The following DYRK3 variants were observed in gnomAD, a reference collection of about 807,000 sequenced individuals.
DYRK3 encodes the protein dual specificity tyrosine phosphorylation regulated kinase 3, also known as dual specificity tyrosine-phosphorylation-regulated kinase 3.
DYRK3 carries 30 observed loss-of-function variants against 40.8 expected under a neutral mutation model. The observed-to-expected ratio is 0.74, with a 90% confidence interval of 0.55 to 1.00. The LOEUF is 1.00. DYRK3 is among the 50% of genes least tolerant of loss of function. The pLI is 0.00. For synonymous variants in DYRK3, 272 were observed against 260.7 expected, an observed-to-expected ratio of 1.04 and a Z score of -0.42; for missense variants, 699 against 731.5, an observed-to-expected ratio of 0.96 and a Z score of 0.51.
rs1572453433 is a variant in DYRK3 at position 206,649,597 on chromosome 1, C to CA, written c.*635dup. 2.0e-5 allele frequency among the ~76,000 whole-genome samples: 3 copies of CA among 152,304 alleles called. No individual in the cohort carries two copies. Among genetic ancestry groups the CA allele is most frequent in the African/African-American group, 7.2e-5 (3 of 41,558 alleles). ...GCCTCTGATTTGTTTCCTAGTCACT[C>CA]AAAGCATTTTACAGAAGCCTTACCA... On this transcript the variant is annotated 3_prime_UTR_variant, in exon 3 of 3. Coordinates refer to ENST00000367109, the MANE Select transcript of DYRK3 (RefSeq NM_003582.4).
intron 2 of DYRK3, among the ~76,000 whole-genome samples, chr1:206,646,736 T>C (rs1027785921): frequency 1.2e-4 from 19 of 152,340 alleles, no homozygotes; most frequent in African/African-American, 1.2e-4. Context: ...TGCTGAGTTA[T>C]GTTAATGGCA....
chr1:206,648,865 C>T lies in DYRK3; in HGVS notation c.1667C>T (p.Pro556Leu). 1.2e-6 allele frequency: 2 copies of T among 1,614,154 alleles called. No individual in the cohort carries two copies. Among genetic ancestry groups the T allele is most frequent in the Non-Finnish European group, 1.7e-6 (2 of 1,180,030 alleles). The change falls in exon 3 of 3, where the codon CCT (proline) becomes CTT (leucine). Residue 556 changes from proline (P) to leucine (L), a missense_variant. Pro to Leu is a moderately conservative substitution (Grantham distance 98). Transcript: ENST00000367109. ...TTCCAGGGATTGGGTTCTAAGCTGC[C>T]TCCAGTTGTTGGAATAGCCAATAAG... Reference protein sequence around the residue: ...SAFQGLGSKLPPVVGIANKLK... With the variant: ...SAFQGLGSKLLPVVGIANKLK...
At chr1:206,644,528 C>G (rs1039864163) in intron 2 of DYRK3, among the ~76,000 whole-genome samples, 3 of 152,086 alleles carry the variant, frequency 2.0e-5, no homozygotes, top group Non-Finnish European at 1.5e-5. Context: ...TAATTAAAAC[C>G]AAATAATTAA....
At chr1:206,644,969 G>A (rs987160566) in intron 2 of DYRK3, among the ~76,000 whole-genome samples, 1 of 152,192 alleles carries the variant, frequency 6.6e-6, no homozygotes, top group Admixed American at 6.5e-5. Context: ...ATGCCAAGCT[G>A]TGGCTACATT....
rs1671497661 is a variant in DYRK3 at position 206,647,751 on chromosome 1, C to T, written c.553C>T (p.Pro185Ser). Residue 185 changes from proline to serine, a missense_variant, in exon 3 of 3, where the codon CCC becomes TCC. By Grantham distance (74) the Pro-to-Ser change is moderately conservative. Coordinates refer to ENST00000367109, the MANE Select transcript of DYRK3 (RefSeq NM_003582.4). ...AKKRHGVIGG[P>S]NNGGYDDADG... ...GAAAAGACATGGAGTTATTGGTGGT[C>T]CCAATAATGGAGGGTATGATGATGC... 1 of 1,613,972 alleles carries T rather than the reference C, an allele frequency of 6.2e-7. No homozygotes were observed. Among genetic ancestry groups the T allele is most frequent in the Non-Finnish European group, 8.5e-7 (1 of 1,180,002 alleles).
chr1:206,644,602 C>T (rs527575530), intron 2 of DYRK3, among the ~76,000 whole-genome samples: 16 of 152,264 alleles, frequency 1.1e-4, no homozygotes, highest in South Asian at 2.1e-4. Flanking sequence ...TGCAGTGGTG[C>T]GATCTCAGCT....
In DYRK3 at chr1:206,637,697, A is replaced by T; in HGVS notation, c.125A>T (p.Lys42Ile). ...ACCTTCATGATGATAGATGAAACCA[A>T]ATGTCCCCCCTGTTCAAATGTACTC... ...YDTFMMIDET[K>I]CPPCSNVLCN... Residue 42 changes from lysine (K) to isoleucine (I), a missense_variant, in exon 2 of 3, where the codon AAA (lysine) becomes ATA (isoleucine). Physicochemically the swap from Lys to Ile is moderately radical, Grantham distance 102. Transcript: ENST00000367109. 6.2e-7 allele frequency: 1 copy of T among 1,614,072 alleles called. No individual in the cohort carries two copies. The highest frequency in any genetic ancestry group is 8.5e-7 in the Non-Finnish European group (1 of 1,179,980).
intron 2 of DYRK3, among the ~76,000 whole-genome samples, chr1:206,646,493 T>G (rs1553420143): frequency 6.6e-6 from 1 of 152,082 alleles, no homozygotes; most frequent in East Asian, 1.9e-4. Flanking sequence ...AGGGAAGAGT[T>G]TTATAAGTAC....
In DYRK3 at chr1:206,650,158, G is replaced by A. The variant is rs562879872; in HGVS notation, c.*1193G>A. Among the ~76,000 whole-genome samples, 1 of 152,360 alleles carries A rather than the reference G, an allele frequency of 6.6e-6. No homozygotes were observed. Among genetic ancestry groups the A allele is most frequent in the Non-Finnish European group, 1.5e-5 (1 of 68,042 alleles). On this transcript the variant is annotated 3_prime_UTR_variant, in exon 3 of 3. Coordinates refer to ENST00000367109, the MANE Select transcript of DYRK3 (RefSeq NM_003582.4). Reference sequence around the variant, plus strand: ...TTAAGCCAGTGTCCTACTTACAAGGGTGGAGACGGGACAGAAGCTAACTCA... The same window carrying A: ...TTAAGCCAGTGTCCTACTTACAAGGATGGAGACGGGACAGAAGCTAACTCA...
rs1211145979 is a variant in DYRK3, at chr1:206,648,235, A to G, written c.1037A>G (p.His346Arg). ...CCAGAAAACATTCTCCTGAAACACC[A>G]CGGGCGCAGTTCAACCAAGGTCATT... ...LKPENILLKHHGRSSTKVIDF... is the reference protein window; with the variant it reads ...LKPENILLKHRGRSSTKVIDF... Residue 346 changes from histidine (H) to arginine (R), a missense_variant, in exon 3 of 3, where the codon CAC becomes CGC. Transcript: ENST00000367109. 5 of 1,614,056 alleles carry G rather than the reference A, an allele frequency of 3.1e-6. No homozygotes were observed. The highest frequency in any genetic ancestry group is 4.2e-6 in the Non-Finnish European group (5 of 1,180,028).
At chr1:206,645,640 A>C (rs1195797398) in intron 2 of DYRK3, among the ~76,000 whole-genome samples, 1 of 150,616 alleles carries the variant, frequency 6.6e-6, no homozygotes, top group Non-Finnish European at 1.5e-5. Context: ...CAGCCTCCCA[A>C]GTAGCTGGGA....
intron 2 of DYRK3, 146 bp downstream of exon 2, chr1:206,637,907 G>A (rs1671164473): frequency 5.2e-6 from 3 of 579,776 alleles, no homozygotes; most frequent in Admixed American, 7.0e-5. Context: ...GAATAACAAT[G>A]TCTGTGGTCC....
rs1553421155 is a variant in DYRK3, at chr1:206,650,394, C to T, written c.*1429C>T. Among the ~76,000 whole-genome samples, 1 of 151,970 alleles carries T rather than the reference C, an allele frequency of 6.6e-6. No homozygotes were observed. The highest frequency in any genetic ancestry group is 1.5e-5 in the Non-Finnish European group (1 of 67,990). On this transcript the variant is annotated 3_prime_UTR_variant, in exon 3 of 3. Coordinates refer to ENST00000367109, the MANE Select transcript of DYRK3 (RefSeq NM_003582.4). ...CCAGCCTGGGCAACATGGTGAAACC[C>T]TGCCTCTACAAAAAATACAAAAATT...
At position 206,647,895 on chromosome 1, in the gene DYRK3, C is replaced by T; in HGVS notation, c.697C>T (p.Gln233Ter). The T allele has an allele frequency of 6.2e-7, 1 of 1,614,030 alleles. No individual in the cohort carries two copies. The highest frequency in any genetic ancestry group is 1.1e-5 in the South Asian group (1 of 91,076). ...CAGGGTCTATGATCACAAACTTCGA[C>T]AGTACGTGGCCCTAAAAATGGTGCG... The part of the protein sequence containing the change: ...VARVYDHKLR[Q>*]YVALKMVRNE... Residue 233 changes from glutamine to a stop codon, truncating the protein, a stop_gained, in exon 3 of 3, where the codon CAG becomes TAG. Coordinates refer to ENST00000367109, the MANE Select transcript of DYRK3 (RefSeq NM_003582.4). LOFTEE classifies it high-confidence loss of function.
Position 206,649,174 on chromosome 1 carries a change from A to G in DYRK3, c.*209A>G. The G allele has an allele frequency of 1.9e-6, 1 of 529,226 alleles. No homozygotes were observed. The highest frequency in any genetic ancestry group is 3.3e-6 in the Non-Finnish European group (1 of 303,820). 32.8% of individuals were successfully genotyped at this position (529,226 alleles called of 1,614,324 possible). A position where few individuals can be genotyped will look rare whatever the true frequency, so the allele number is the denominator to read the frequency against. ...TATTGGCCATCTGGAATATGCATTA[A>G]ATGACTTTTTATAGGTCAATGCATC... On this transcript the variant is annotated 3_prime_UTR_variant, in exon 3 of 3. Coordinates refer to ENST00000367109, the MANE Select transcript of DYRK3 (RefSeq NM_003582.4).
At chr1:206,639,790 C>T (rs1156289606) in intron 2 of DYRK3, among the ~76,000 whole-genome samples, 3 of 151,766 alleles carry the variant, frequency 2.0e-5, no homozygotes, top group Admixed American at 6.6e-5. Context: ...CAGAGTTAGC[C>T]GATGCTATTT....
In DYRK3 at chr1:206,652,423, A is replaced by C. The variant is rs1268503334; in HGVS notation, c.*3458A>C. ...TGTGGCTGAGGTTGGTGCGTGCTCT[A>C]TTTCTGTGTATCGAATGGACTACAA... On this transcript the variant is annotated 3_prime_UTR_variant, in exon 3 of 3. Coordinates refer to ENST00000367109, the MANE Select transcript of DYRK3 (RefSeq NM_003582.4). 2.0e-5 allele frequency among the ~76,000 whole-genome samples: 3 copies of C among 152,150 alleles called. No homozygotes were observed. Among genetic ancestry groups the C allele is most frequent in the Non-Finnish European group, 4.4e-5 (3 of 68,020 alleles).
At position 206,649,102 on chromosome 1, in the gene DYRK3, T is replaced by C; in HGVS notation, c.*137T>C. ...TTTTAAACAAGACAAAACATTTTTA[T>C]ATGATTATAAAAGAATTCTTCAAGG... On this transcript the variant is annotated 3_prime_UTR_variant, in exon 3 of 3. Transcript: ENST00000367109. 1 of 932,378 alleles carries C rather than the reference T, an allele frequency of 1.1e-6. No individual in the cohort carries two copies. The highest frequency in any genetic ancestry group is 1.5e-6 in the Non-Finnish European group (1 of 645,376). 57.8% of individuals were successfully genotyped at this position (932,378 alleles called of 1,614,324 possible).
chr1:206,640,317 C>T (rs1485195567), intron 2 of DYRK3, among the ~76,000 whole-genome samples: 1 of 152,136 alleles, frequency 6.6e-6, no homozygotes, highest in Non-Finnish European at 1.5e-5. Context: ...TTTCATTATG[C>T]CATGACTCTA....
Sources: gnomAD v4.1 joint callset for allele counts (sites outside exome capture counted in the v4.1 genomes callset) on GRCh38, gnomAD v4.1.1 for gene constraint, MANE v1.5 for transcripts, NCBI Gene and HGNC (gene_info 2026-07-23, HGNC 2026-07-21) for gene names.